The following IGF2BP3 variants were observed in gnomAD, a reference collection of about 807,000 sequenced individuals.
IGF2BP3 encodes insulin like growth factor 2 mRNA binding protein 3, also known as insulin-like growth factor 2 mRNA-binding protein 3.
In IGF2BP3, 9 loss-of-function variants were observed where a neutral mutation model predicts 73.8. The observed-to-expected ratio is 0.12, with a 90% CI of 0.07 to 0.21. IGF2BP3 has a LOEUF of 0.21. Among genes scored for constraint, IGF2BP3 ranks in the 10% least tolerant of loss-of-function variants. IGF2BP3 has a pLI of 1.00. For missense variants in IGF2BP3, 542 were observed against 714.0 expected, an observed-to-expected ratio of 0.76 and a Z score of 2.75; for synonymous variants, 258 against 256.7, an observed-to-expected ratio of 1.01 and a Z score of -0.05.
rs70966011 is a variant in IGF2BP3 at position 23,352,278 on chromosome 7, ATTTTTTTTTTTT to A, written c.402-704_402-693del. Among the ~76,000 whole-genome samples, 27 of 73,762 alleles carry A rather than the reference ATTTTTTTTTTTT, an allele frequency of 3.7e-4. 1 individual carries two copies. The South Asian group carries it at 3.8e-3, about 10-fold the overall frequency. The allele number at this position is 73,762 out of a possible 152,430, so 48.4% of individuals were successfully genotyped here. ...TTGGGGGAGAGTTTCTCTCTTTTTC[ATTTTTTTTTTTT>A]TTTTTTTTTTTTTTTGGAGACAGAG... is the stretch of plus-strand genomic sequence containing the variant. On this transcript the variant is annotated intron_variant, in intron 5 of 14. Coordinates refer to ENST00000258729, the MANE Select transcript of IGF2BP3 (RefSeq NM_006547.3).
chr7:23,375,862 T>C (rs140558426), intron 3 of IGF2BP3, among the ~76,000 whole-genome samples: 2,419 of 152,260 alleles, frequency 0.016, 57 homozygotes, highest in African/African-American at 0.056. Context: ...CTACAAGAAT[T>C]AGTCCTTCAG....
At chr7:23,435,458 T>C (rs537214522) in intron 2 of IGF2BP3, among the ~76,000 whole-genome samples, 2 of 151,944 alleles carry the variant, frequency 1.3e-5, no homozygotes, top group South Asian at 2.1e-4. Context: ...AGTTTTTTTT[T>C]TTTTCTTTTC....
At chr7:23,464,449 T>A (rs569573564) in intron 2 of IGF2BP3, among the ~76,000 whole-genome samples, 9 of 152,166 alleles carry the variant, frequency 5.9e-5, no homozygotes, top group Non-Finnish European at 1.2e-4. Flanking sequence ...TGGGCAACTA[T>A]CACTGTTTTC....
At chr7:23,433,405 T>G (rs1787735699) in intron 2 of IGF2BP3, among the ~76,000 whole-genome samples, 1 of 152,108 alleles carries the variant, frequency 6.6e-6, no homozygotes, top group Non-Finnish European at 1.5e-5. Context: ...TGTTGAAGAT[T>G]CAATACCAAA....
At chr7:23,330,375 A>G (rs1396421442) in intron 10 of IGF2BP3, among the ~76,000 whole-genome samples, 1 of 150,606 alleles carries the variant, frequency 6.6e-6, no homozygotes, top group Non-Finnish European at 1.5e-5. Context: ...AGAGCTGTCA[A>G]AAATATACAT....
intron 2 of IGF2BP3, among the ~76,000 whole-genome samples, chr7:23,425,783 T>C (rs1342173526): frequency 1.3e-5 from 2 of 152,098 alleles, no homozygotes; most frequent in African/African-American, 4.8e-5. Flanking sequence ...CATGCTTTGA[T>C]TTACAACAGT....
intron 3 of IGF2BP3, among the ~76,000 whole-genome samples, chr7:23,388,311 T>C (rs1177255676): frequency 3.3e-5 from 5 of 152,214 alleles, no homozygotes; most frequent in East Asian, 1.9e-4. Flanking sequence ...GAAATGAATA[T>C]ACCAGGAAGA....
chr7:23,461,461 T>C (rs932400835), intron 2 of IGF2BP3, among the ~76,000 whole-genome samples: 4 of 152,098 alleles, frequency 2.6e-5, no homozygotes, highest in African/African-American at 7.2e-5. Flanking sequence ...AAAACCAAAG[T>C]TCCTATTTTC....
chr7:23,350,984 G>T (rs931937121), intron 6 of IGF2BP3, among the ~76,000 whole-genome samples: 5 of 152,166 alleles, frequency 3.3e-5, no homozygotes, highest in African/African-American at 9.7e-5. Context: ...GAGGGCAGGT[G>T]GGGGGTAAGG....
chr7:23,434,515 A>G (rs916129607), intron 2 of IGF2BP3, among the ~76,000 whole-genome samples: 2 of 152,232 alleles, frequency 1.3e-5, no homozygotes, highest in East Asian at 3.8e-4. Flanking sequence ...TGTGTTCAAG[A>G]AACTCAGTAT....
chr7:23,411,413 C>T (rs1287510900), intron 3 of IGF2BP3, among the ~76,000 whole-genome samples: 4 of 152,244 alleles, frequency 2.6e-5, no homozygotes, highest in African/African-American at 9.6e-5. Context: ...GAAACCCCGT[C>T]TCTACTAAAA....
At chr7:23,384,295 G>T (rs952084732) in intron 3 of IGF2BP3, among the ~76,000 whole-genome samples, 3 of 151,878 alleles carry the variant, frequency 2.0e-5, no homozygotes, top group African/African-American at 7.3e-5. Flanking sequence ...GGGTGATAGG[G>T]GTTCAGTGGG....
chr7:23,361,361 A>AT (rs1297281041), intron 5 of IGF2BP3, 173 bp downstream of exon 5: 47 of 569,890 alleles, frequency 8.2e-5, no homozygotes, highest in Non-Finnish European at 1.2e-4. Flanking sequence ...ACCAATGTAG[A>AT]TTTTTACTAG....
At chr7:23,316,696 A>G (rs1023266054) in intron 12 of IGF2BP3, among the ~76,000 whole-genome samples, 1 of 146,136 alleles carries the variant, frequency 6.8e-6, no homozygotes, top group African/African-American at 2.5e-5. Context: ...AAAAAAAAAG[A>G]GAAAAAAAAA....
intron 2 of IGF2BP3, among the ~76,000 whole-genome samples, chr7:23,455,623 C>A (rs1270515414): frequency 6.6e-6 from 1 of 152,194 alleles, no homozygotes; most frequent in African/African-American, 2.4e-5. Flanking sequence ...AAGACTGTCA[C>A]CCAGGAAATC....
chr7:23,322,350 G>A (rs1441102243), intron 10 of IGF2BP3, among the ~76,000 whole-genome samples: 5 of 152,004 alleles, frequency 3.3e-5, no homozygotes, highest in Non-Finnish European at 4.4e-5. Context: ...ATGAAATGAA[G>A]CAAGAAGGGA....
At chr7:23,440,737 C>A (rs1305732384) in intron 2 of IGF2BP3, among the ~76,000 whole-genome samples, 2 of 152,182 alleles carry the variant, frequency 1.3e-5, no homozygotes, top group African/African-American at 4.8e-5. Context: ...CATATCAGGT[C>A]ATTTTTATTT....
intron 3 of IGF2BP3, among the ~76,000 whole-genome samples, chr7:23,385,127 AAAG>A (rs1427396949): frequency 2.8e-4 from 42 of 152,222 alleles, no homozygotes; most frequent in African/African-American, 1.0e-3. Flanking sequence ...TTAATAAATG[AAAG>A]AATAATAGAA....
intron 3 of IGF2BP3, among the ~76,000 whole-genome samples, chr7:23,377,096 T>C (rs1333488664): frequency 6.6e-6 from 1 of 151,886 alleles, no homozygotes; most frequent in Non-Finnish European, 1.5e-5. Flanking sequence ...ACATAATGTT[T>C]ATGACAAAAT....
Sources: allele counts gnomAD v4.1 joint callset (sites outside exome capture counted in the v4.1 genomes callset), GRCh38; gene constraint gnomAD v4.1.1; transcripts MANE v1.5; gene names NCBI Gene and HGNC (gene_info 2026-07-23, HGNC 2026-07-21).